The following ZUP1 variants were observed in gnomAD, a reference collection of about 807,000 sequenced individuals.
ZUP1 encodes zinc finger containing ubiquitin peptidase 1, also known as zinc finger-containing ubiquitin peptidase 1.
A neutral mutation model predicts 68.1 loss-of-function variants in ZUP1; 55 were observed. That is an observed-to-expected ratio of 0.81 (90% CI 0.65 to 1.01). ZUP1 has a LOEUF of 1.01. Among genes scored for constraint, ZUP1 ranks in the 50% least tolerant of loss-of-function variants. The pLI, the probability that ZUP1 is intolerant of heterozygous loss-of-function variation, is 0.00. For synonymous variants in ZUP1, 223 were observed against 221.5 expected, an observed-to-expected ratio of 1.01 and a Z score of -0.06; for missense variants, 684 against 674.9, an observed-to-expected ratio of 1.01 and a Z score of -0.15.
In ZUP1 at chr6:116,651,855, T is replaced by A. The variant is rs1040548996; in HGVS notation, c.1151-118A>T. 35 of 1,395,992 alleles carry A rather than the reference T, an allele frequency of 2.5e-5. No homozygotes were observed. The African/African-American group carries it at 4.8e-4, about 19-fold the overall frequency. 86.5% of individuals were successfully genotyped at this position (1,395,992 alleles called of 1,614,324 possible). A position where few individuals can be genotyped will look rare whatever the true frequency, so the allele number is the denominator to read the frequency against. On this transcript the variant is annotated intron_variant, in intron 6 of 9. Coordinates refer to ENST00000368576, the MANE Select transcript of ZUP1 (RefSeq NM_145062.3). The stretch of plus-strand genomic sequence containing the variant: ...TTTTAAGACAGTTATTCCTGACATC[T>A]TCTATCATTTTCTCTTCCTCTAACC...
intron 5 of ZUP1, 137 bp downstream of exon 5, chr6:116,656,544 CAGA>C: frequency 1.6e-6 from 1 of 643,658 alleles, no homozygotes; most frequent in Non-Finnish European, 2.5e-6. Flanking sequence ...AAAAATAATT[CAGA>C]AGTTTTAAAA....
intron 9 of ZUP1, 105 bp from the exon 10 acceptor site, chr6:116,635,984 A>G (rs1211812567): frequency 4.0e-6 from 3 of 752,570 alleles, no homozygotes; most frequent in Non-Finnish European, 5.8e-6. Flanking sequence ...TTTTTTCAAG[A>G]TAATAATGAA....
At chr6:116,636,969 GA>G (rs2115373627) in intron 9 of ZUP1, among the ~76,000 whole-genome samples, 1 of 152,216 alleles carries the variant, frequency 6.6e-6, no homozygotes, top group East Asian at 1.9e-4. Context: ...AATATTGGCT[GA>G]ATTCCTACAG....
At chr6:116,644,876 A>AAGC (rs1379309330) in intron 9 of ZUP1, among the ~76,000 whole-genome samples, 4 of 151,790 alleles carry the variant, frequency 2.6e-5, no homozygotes, top group African/African-American at 9.6e-5. Context: ...AAAGAAGAAG[A>AAGC]AGAAGAAGAA....
chr6:116,646,035 T>C (rs1776299092), intron 8 of ZUP1, 101 bp from the exon 9 acceptor site: 7 of 795,454 alleles, frequency 8.8e-6, no homozygotes, highest in East Asian at 2.7e-5. Context: ...GTTTAGAATA[T>C]AAATACAGTC....
At chr6:116,640,987 G>A (rs1273384095) in intron 9 of ZUP1, among the ~76,000 whole-genome samples, 1 of 149,572 alleles carries the variant, frequency 6.7e-6, no homozygotes, top group Non-Finnish European at 1.5e-5. Flanking sequence ...TAAAAGGATG[G>A]AGGAAGATCT....
chr6:116,656,777 C>T lies in ZUP1; in HGVS notation c.868G>A (p.Gly290Arg). The T allele has an allele frequency of 3.7e-6, 6 of 1,611,256 alleles. No homozygotes were observed. Among genetic ancestry groups the T allele is most frequent in the Non-Finnish European group, 5.1e-6 (6 of 1,178,108 alleles). The change falls in exon 5 of 10, where the codon GGA becomes AGA. Residue 290 changes from glycine (G) to arginine (R), a missense_variant. Gly to Arg is a moderately radical substitution (Grantham distance 125). Coordinates refer to ENST00000368576, the MANE Select transcript of ZUP1 (RefSeq NM_145062.3). ...TGAAATTCAGATGGAGGCATTCTTC[C>T]CCTATTTACTTCTATCTCCATATTT... ...LRNMEIEVNR[G>R]RMPPSEFHRR... is the part of the protein sequence containing the mutation.
In ZUP1 at chr6:116,656,678, A is replaced by G; in HGVS notation, c.961+6T>C. The stretch of plus-strand genomic sequence containing the variant: ...AAAACAATGACTCTGATGTTTAAAT[A>G]CTCACCGGAAGTTTTTGTTTTTCCA... On this transcript the variant is annotated splice_donor_region_variant and intron_variant, in intron 5 of 9. Coordinates refer to ENST00000368576, the MANE Select transcript of ZUP1 (RefSeq NM_145062.3). 1.9e-6 allele frequency: 3 copies of G among 1,605,408 alleles called. No individual in the cohort carries two copies. The highest frequency in any genetic ancestry group is 1.3e-5 in the African/African-American group (1 of 74,530).
chr6:116,639,960 T>C (rs1348387690), intron 9 of ZUP1, among the ~76,000 whole-genome samples: 2 of 152,100 alleles, frequency 1.3e-5, no homozygotes, highest in African/African-American at 4.8e-5. Context: ...GACGAATGTA[T>C]AACTAGAATA....
At chr6:116,639,964 T>G (rs1285945034) in intron 9 of ZUP1, among the ~76,000 whole-genome samples, 2 of 152,006 alleles carry the variant, frequency 1.3e-5, no homozygotes, top group Non-Finnish European at 2.9e-5. Flanking sequence ...AATGTATAAC[T>G]AGAATAACCA....
chr6:116,656,895 T>G (rs761328560), intron 4 of ZUP1, 43 bp from the exon 5 acceptor site: 2 of 1,337,926 alleles, frequency 1.5e-6, no homozygotes. Context: ...TACATCCCTG[T>G]AACTCTATGA....
chr6:116,656,717 G>C lies in ZUP1; in HGVS notation c.928C>G (p.Leu310Val). The change falls in exon 5 of 10, where the codon CTT becomes GTT. Residue 310 changes from leucine (L) to valine (V), a missense_variant. Physicochemically the swap from Leu to Val is conservative, Grantham distance 32. Coordinates refer to ENST00000368576, the MANE Select transcript of ZUP1 (RefSeq NM_145062.3). ...TTTGTTTTTCCATCGTCAAAACCAA[G>C]AGCTAATGATTCCATCATATCAGCT... ...RKADMMESLA[L>V]GFDDGKTKTS... is the part of the protein sequence containing the mutation. 6.2e-7 allele frequency: 1 copy of C among 1,611,144 alleles called. No homozygotes were observed. Among genetic ancestry groups the C allele is most frequent in the South Asian group, 1.1e-5 (1 of 90,274 alleles).
rs373897728 is a variant in ZUP1, at chr6:116,666,822, G to C, written c.371C>G (p.Thr124Ser). The C allele has an allele frequency of 3.7e-6, 6 of 1,612,894 alleles. No homozygotes were observed. Among genetic ancestry groups the C allele is most frequent in the Non-Finnish European group, 5.1e-6 (6 of 1,179,724 alleles). The change falls in exon 2 of 10, where the codon ACT (threonine) becomes AGT (serine). Residue 124 changes from threonine to serine, a missense_variant. Transcript: ENST00000368576. ...KHEGFYSENL[T>S]ESRKFLKSRE... ...ACTTTTCAGGAATTTTCTAGATTCA[G>C]TTAAGTTCTCTGAATAGAAGCCTTC...
At chr6:116,651,495 T>C (rs1215791660) in intron 7 of ZUP1, 77 bp downstream of exon 7, 2 of 1,306,852 alleles carry the variant, frequency 1.5e-6, no homozygotes, top group East Asian at 4.9e-5. Context: ...AACTATCTCT[T>C]TGCTAAAAAA....
At position 116,647,600 on chromosome 6, in the gene ZUP1, C is replaced by T. The variant is rs1437636120; in HGVS notation, c.1327G>A (p.Val443Ile). 2 of 1,535,716 alleles carry T rather than the reference C, an allele frequency of 1.3e-6. No individual in the cohort carries two copies. Among genetic ancestry groups the T allele is most frequent in the Non-Finnish European group, 1.8e-6 (2 of 1,131,324 alleles). The change falls in exon 8 of 10, where the codon GTT becomes ATT. Residue 443 changes from valine (V) to isoleucine (I), a missense_variant. Transcript: ENST00000368576. ...LTSLRVKCHI[V>I]DFHKSTGPLG... Reference sequence around the variant, plus strand: ...GGACCAGTTGATTTGTGAAAATCAACAATATGACACCTATTAAAAATTGAC... The same window carrying T: ...GGACCAGTTGATTTGTGAAAATCAATAATATGACACCTATTAAAAATTGAC...
Position 116,652,050 on chromosome 6 carries a change from T to C in ZUP1, c.1104A>G (p.Leu368=), listed in dbSNP as rs1195050419. Residue 368 remains leucine, a synonymous_variant, in exon 6 of 10, where the codon CTA becomes CTG. Transcript: ENST00000368576. Reference sequence around the variant, plus strand: ...CATCATTTTGTAATAATGATGAAAGTAGCATTTGGAAATTTCTGTAACCAC... The same window carrying C: ...CATCATTTTGTAATAATGATGAAAGCAGCATTTGGAAATTTCTGTAACCAC... ...WGCGYRNFQM[L]LSSLLQNDAY... 1.9e-6 allele frequency: 3 copies of C among 1,614,020 alleles called. No homozygotes were observed. Among genetic ancestry groups the C allele is most frequent in the Admixed American group, 1.7e-5 (1 of 60,014 alleles).
At chr6:116,655,013 G>A (rs578241462) in intron 5 of ZUP1, among the ~76,000 whole-genome samples, 5 of 151,992 alleles carry the variant, frequency 3.3e-5, no homozygotes, top group African/African-American at 1.2e-4. Context: ...CTAGAGAAAC[G>A]CCTGAAGTAG....
Position 116,658,783 on chromosome 6 carries a change from ATTG to A in ZUP1, c.792+17_792+19del, listed in dbSNP as rs1317485765. ...AACTTTACCAAATCAAAATATTATA[ATTG>A]TTATTAATCTTTGTACCTGCAGCTT... On this transcript the variant is annotated intron_variant, in intron 4 of 9. Coordinates refer to ENST00000368576, the MANE Select transcript of ZUP1 (RefSeq NM_145062.3). The A allele has an allele frequency of 6.5e-7, 1 of 1,538,202 alleles. No homozygotes were observed. The highest frequency in any genetic ancestry group is 8.9e-7 in the Non-Finnish European group (1 of 1,129,544).
chr6:116,651,783 C>G (rs377430501), intron 6 of ZUP1, 46 bp from the exon 7 acceptor site: 9 of 1,600,490 alleles, frequency 5.6e-6, no homozygotes, highest in Non-Finnish European at 7.7e-6. Context: ...TAATAAAGTA[C>G]TGAATAATAT....
Sources: gnomAD v4.1 joint callset for allele counts (sites outside exome capture counted in the v4.1 genomes callset) on GRCh38, gnomAD v4.1.1 for gene constraint, MANE v1.5 for transcripts, NCBI Gene and HGNC (gene_info 2026-07-23, HGNC 2026-07-21) for gene names.